Variants in SMARCA2 observed in about 807,000 individuals in gnomAD.
SMARCA2 encodes the protein SWI/SNF-related matrix-associated actin-dependent regulator of chromatin subfamily A member 2.
In SMARCA2, 61 loss-of-function variants were observed where a neutral mutation model predicts 199.8. The ratio of observed to expected loss-of-function variants is 0.31; its 90% CI spans 0.25 to 0.38. SMARCA2 has a LOEUF of 0.38. Ranked by LOEUF, SMARCA2 falls within the 10% of genes least tolerant of loss-of-function variation. The pLI, the probability that SMARCA2 is intolerant of heterozygous loss-of-function variation, is 1.00. For synonymous variants in SMARCA2, 935 were observed against 732.0 expected, an observed-to-expected ratio of 1.28 and a Z score of -4.48; for missense variants, 1,344 against 2,012.2, an observed-to-expected ratio of 0.67 and a Z score of 6.35.
chr9:2,169,061 G>T lies in SMARCA2; in HGVS notation c.4200-1358G>T, dbSNP rs139803001. 3.3e-5 allele frequency among the ~76,000 whole-genome samples: 5 copies of T among 152,244 alleles called. No homozygotes were observed. Among genetic ancestry groups the T allele is most frequent in the African/African-American group, 1.2e-4 (5 of 41,532 alleles). ...TGGTCAGCACCATCATTAGCCCAAG[G>T]TCCTAAAAGTGAAATAATGAAGACT... On this transcript the variant is annotated intron_variant, in intron 28 of 33. Transcript: ENST00000349721. This position sits in a 1 kb window ranked among gnomAD's most constrained non-coding sequence, Gnocchi z 6.5.
rs1031896852 is a variant in SMARCA2 at position 2,076,277 on chromosome 9, C to T, written c.1984C>T (p.Leu662=). The part of the protein sequence containing the change: ...SRQETEEKIL[L]DPNSEEVSEK... ...GCAGGAAACCGAAGAGAAAATACTC[C>T]TGGATCCAAATAGCGAAGAAGTTTC... The change falls in exon 13 of 34, where the codon CTG becomes TTG. Residue 662 remains leucine (L), a synonymous_variant. Transcript: ENST00000349721. 6.2e-7 allele frequency: 1 copy of T among 1,612,934 alleles called. No homozygotes were observed. Among genetic ancestry groups the T allele is most frequent in the Admixed American group, 1.7e-5 (1 of 60,006 alleles).
chr9:2,031,312 C>G (rs1340886500), intron 2 of SMARCA2, among the ~76,000 whole-genome samples: 1 of 152,146 alleles, frequency 6.6e-6, no homozygotes, highest in Non-Finnish European at 1.5e-5. Flanking sequence ...ACCTATTGAA[C>G]ATATTGACAT....
At chr9:2,150,311 G>A (rs10811539) in intron 27 of SMARCA2, among the ~76,000 whole-genome samples, 20,410 of 151,512 alleles carry the variant, frequency 0.13, 1,973 homozygotes, top group South Asian at 0.19. Context: ...ATTCTTAATA[G>A]AAGTGAACTG....
chr9:2,039,838 C>A lies in SMARCA2; in HGVS notation c.728C>A (p.Pro243Gln), dbSNP rs780944879. Residue 243 changes from proline (P) to glutamine (Q), a missense_variant, in exon 4 of 34, where the codon CCG (proline) becomes CAG (glutamine). Pro to Gln is a moderately conservative substitution (Grantham distance 76). Around this residue, in one of 18 missense-constraint regions of SMARCA2, gnomAD observed 117 missense variants for 99.1 expected, o/e 1.18. Coordinates refer to ENST00000349721, the MANE Select transcript of SMARCA2 (RefSeq NM_003070.5). This position sits in a 1 kb window ranked among gnomAD's most constrained non-coding sequence, Gnocchi z 4.8. ...CAGCAACAGCAGCCGCAGCAGCAGCCGCCGCAACCACAGACGCAGCAACAA... is the reference window on the plus strand; with the variant it reads ...CAGCAACAGCAGCCGCAGCAGCAGCAGCCGCAACCACAGACGCAGCAACAA... Reference protein sequence around the residue: ...QQQQQQPQQQPPQPQTQQQQQ... With the variant: ...QQQQQQPQQQQPQPQTQQQQQ... 2 of 1,611,982 alleles carry A rather than the reference C, an allele frequency of 1.2e-6. No individual in the cohort carries two copies. The highest frequency in any genetic ancestry group is 1.3e-5 in the African/African-American group (1 of 74,798).
At chr9:2,124,005 G>C in intron 27 of SMARCA2, 68 bp downstream of exon 27, 3 of 1,287,254 alleles carry the variant, frequency 2.3e-6, no homozygotes, top group South Asian at 1.3e-5. Context: ...GAAACCAGGG[G>C]CCTAGAGCTG....
chr9:2,056,964 C>G lies in SMARCA2; in HGVS notation c.1347+119C>G, dbSNP rs1820381116. The G allele has an allele frequency of 2.5e-6, 2 of 812,312 alleles. No individual in the cohort carries two copies. Among genetic ancestry groups the G allele is most frequent in the Non-Finnish European group, 3.8e-6 (2 of 520,036 alleles). The allele number at this position is 812,312 out of a possible 1,614,324, so 50.3% of individuals were successfully genotyped here. On this transcript the variant is annotated intron_variant, in intron 7 of 33. Transcript: ENST00000349721. The surrounding 1 kb of genome is among the most constrained non-coding windows in gnomAD (Gnocchi z 4.0). ...TGTGGGTGGTGGGGACATCACAGAA[C>G]AGAACGGTTCCTTGACATGTACATA... is the stretch of plus-strand genomic sequence containing the variant.
At chr9:2,162,040 C>A in intron 28 of SMARCA2, 137 bp downstream of exon 28, 2 of 618,872 alleles carry the variant, frequency 3.2e-6, no homozygotes, top group East Asian at 5.5e-5. Flanking sequence ...GGCTTTCTCT[C>A]TTTGTACCTG....
intron 1 of SMARCA2, among the ~76,000 whole-genome samples, chr9:2,027,273 C>T (rs750877755): frequency 4.6e-5 from 7 of 151,910 alleles, no homozygotes; most frequent in Non-Finnish European, 7.4e-5. Context: ...GAGACTCTGT[C>T]TTTACAAAAG....
At chr9:2,028,881 T>G in intron 1 of SMARCA2, 106 bp from the exon 2 acceptor site, 1 of 920,940 alleles carries the variant, frequency 1.1e-6, no homozygotes, top group Non-Finnish European at 1.7e-6. Context: ...CAGCTCTGTT[T>G]GATGTTTGTT....
At chr9:2,175,966 C>T (rs556298781) in intron 29 of SMARCA2, among the ~76,000 whole-genome samples, 25 of 152,062 alleles carry the variant, frequency 1.6e-4, no homozygotes, top group African/African-American at 5.3e-4. Context: ...CTGCAACCTC[C>T]GTCTCCTGGG....
intron 27 of SMARCA2, among the ~76,000 whole-genome samples, chr9:2,125,415 A>G (rs963661907): frequency 2.4e-4 from 37 of 152,126 alleles, no homozygotes; most frequent in African/African-American, 8.2e-4. Context: ...AGCTTGGGAA[A>G]ATTTTATTTA....
intron 18 of SMARCA2, among the ~76,000 whole-genome samples, chr9:2,087,668 A>G (rs1448729016): frequency 6.6e-6 from 1 of 152,006 alleles, no homozygotes; most frequent in Non-Finnish European, 1.5e-5. Flanking sequence ...TTAAGAGCTC[A>G]TTTATGAAAG....
chr9:2,092,725 T>C (rs1188947616), intron 19 of SMARCA2, among the ~76,000 whole-genome samples: 2 of 152,178 alleles, frequency 1.3e-5, no homozygotes, highest in Non-Finnish European at 2.9e-5. Context: ...ATACATGAGG[T>C]CAGCACCTCA....
chr9:2,152,294 G>C (rs2130723080), intron 27 of SMARCA2, among the ~76,000 whole-genome samples: 1 of 152,354 alleles, frequency 6.6e-6, no homozygotes, highest in Non-Finnish European at 1.5e-5. Flanking sequence ...GCTCATGCCT[G>C]TAATCCCAGC....
intron 27 of SMARCA2, among the ~76,000 whole-genome samples, chr9:2,130,716 T>G (rs1164224028): frequency 2.0e-5 from 3 of 152,152 alleles, no homozygotes; most frequent in Non-Finnish European, 4.4e-5. Context: ...CATACATATA[T>G]ATATACACAC....
At chr9:2,138,978 A>G (rs1437060042) in intron 27 of SMARCA2, among the ~76,000 whole-genome samples, 2 of 152,204 alleles carry the variant, frequency 1.3e-5, no homozygotes, top group Admixed American at 6.5e-5. Flanking sequence ...GTTCCCTAGC[A>G]TATCTGTAGC....
rs755091981 is a variant in SMARCA2, at chr9:2,088,532, C to A, written c.2802C>A (p.Ile934=). The part of the protein sequence containing the change: ...VDLNEEETIL[I]IRRLHKVLRP... ...TAAATGAAGAAGAAACTATATTGAT[C>A]ATCAGGCGTCTACATAAGGTGTTAA... The change falls in exon 19 of 34, where the codon ATC becomes ATA. Residue 934 remains isoleucine (I), a synonymous_variant. Coordinates refer to ENST00000349721, the MANE Select transcript of SMARCA2 (RefSeq NM_003070.5). The A allele has an allele frequency of 6.3e-7, 1 of 1,589,518 alleles. No homozygotes were observed. The highest frequency in any genetic ancestry group is 2.3e-5 in the East Asian group (1 of 44,424).
chr9:2,179,962 G>C (rs745473225), intron 29 of SMARCA2, among the ~76,000 whole-genome samples: 1 of 152,208 alleles, frequency 6.6e-6, no homozygotes. Flanking sequence ...ATAAATCTCA[G>C]AATGGTAGGA....
chr9:2,165,343 A>T (rs1825883626), intron 28 of SMARCA2, among the ~76,000 whole-genome samples: 1 of 152,336 alleles, frequency 6.6e-6, no homozygotes, highest in South Asian at 2.1e-4. Flanking sequence ...ATATTTTCAT[A>T]AAGAACTAAG....
Sources: allele counts gnomAD v4.1 joint callset (sites outside exome capture counted in the v4.1 genomes callset), GRCh38; gene constraint gnomAD v4.1.1; regional missense constraint gnomAD v4.1.1; non-coding constraint Gnocchi (gnomAD v3.1); transcripts MANE v1.5; gene names NCBI Gene and HGNC (gene_info 2026-07-23, HGNC 2026-07-21).